The following STIM1 variants were observed in gnomAD, a reference collection of about 807,000 sequenced individuals.
The protein encoded by STIM1 is stromal interaction molecule 1.
STIM1 carries 25 observed loss-of-function variants against 74.7 expected under a neutral mutation model. That is an observed-to-expected ratio of 0.33 (90% CI 0.24 to 0.47). The LOEUF (loss-of-function observed/expected upper bound fraction) is 0.47, where lower values mean the gene tolerates loss of function less well. Ranked by LOEUF, STIM1 falls within the 20% of genes least tolerant of loss-of-function variation. The pLI is 1.00. For missense variants in STIM1, 728 were observed against 920.8 expected (o/e 0.79, Z 2.71); for synonymous variants, 328 against 348.8 (o/e 0.94, Z 0.66).
At chr11:4,065,093 C>T (rs1228435932) in intron 5 of STIM1, among the ~76,000 whole-genome samples, 1 of 152,100 alleles carries the variant, frequency 6.6e-6, no homozygotes, top group Non-Finnish European at 1.5e-5. Context: ...TTAATGTGTG[C>T]CTACAGTGTG....
rs897318109 is a variant in STIM1 at position 4,034,143 on chromosome 11, C to A, written c.385+10156C>A. Among the ~76,000 whole-genome samples the A allele has an allele frequency of 2.6e-5, 4 of 151,906 alleles. No homozygotes were observed. The South Asian group carries it at 8.3e-4, about 32-fold the overall frequency. On this transcript the variant is annotated intron_variant, in intron 3 of 12. Coordinates refer to ENST00000526596, the MANE Select transcript of STIM1 (RefSeq NM_001382567.1). Reference sequence around the variant, plus strand: ...ACTTGGGAGGCTGAGGCAGGAGAATCGCTTGAACCCAGGAGGCGGAGGTTG... The same window carrying A: ...ACTTGGGAGGCTGAGGCAGGAGAATAGCTTGAACCCAGGAGGCGGAGGTTG...
chr11:3,932,519 G>A (rs558435931), intron 1 of STIM1, among the ~76,000 whole-genome samples: 69 of 152,056 alleles, frequency 4.5e-4, no homozygotes, highest in African/African-American at 1.6e-3. Flanking sequence ...AAAATCAGCC[G>A]GGCGTGGTGG....
At chr11:4,020,829 C>G (rs1487467990) in intron 2 of STIM1, among the ~76,000 whole-genome samples, 1 of 151,962 alleles carries the variant, frequency 6.6e-6, no homozygotes, top group Admixed American at 6.6e-5. Flanking sequence ...TCTCAAAATC[C>G]TGATCTCAAG....
chr11:3,870,813 T>G (rs925811405), intron 1 of STIM1, among the ~76,000 whole-genome samples: 1 of 151,476 alleles, frequency 6.6e-6, no homozygotes, highest in Non-Finnish European at 1.5e-5. Flanking sequence ...TCCGATTTTC[T>G]AGTGGGATAT....
At chr11:3,947,901 A>G (rs2093098874) in intron 1 of STIM1, among the ~76,000 whole-genome samples, 1 of 152,232 alleles carries the variant, frequency 6.6e-6, no homozygotes, top group Admixed American at 6.5e-5. Flanking sequence ...AGTTTCAAAG[A>G]GACAACGTAT....
At chr11:4,011,943 G>T (rs985350041) in intron 2 of STIM1, among the ~76,000 whole-genome samples, 4 of 152,126 alleles carry the variant, frequency 2.6e-5, no homozygotes, top group African/African-American at 9.7e-5. Context: ...TTTACATATG[G>T]CTAGCCAGTT....
chr11:4,062,057 T>C (rs2094334669), intron 5 of STIM1, among the ~76,000 whole-genome samples: 1 of 152,222 alleles, frequency 6.6e-6, no homozygotes, highest in Admixed American at 6.5e-5. Flanking sequence ...TGGAACTAGA[T>C]AGAGGTAGTG....
At chr11:4,023,766 G>T in intron 2 of STIM1, 107 bp from the exon 3 acceptor site, 1 of 765,762 alleles carries the variant, frequency 1.3e-6, no homozygotes, top group South Asian at 1.5e-5. Flanking sequence ...TTGTATGTTG[G>T]GTAGATGGAA....
chr11:4,044,061 C>T (rs929109077), intron 3 of STIM1, among the ~76,000 whole-genome samples: 1 of 152,080 alleles, frequency 6.6e-6, no homozygotes, highest in Non-Finnish European at 1.5e-5. Context: ...GTGTGTCTCT[C>T]TTGTGAAGGA....
intron 7 of STIM1, among the ~76,000 whole-genome samples, chr11:4,078,042 TA>T (rs971580472): frequency 1.3e-5 from 2 of 152,232 alleles, no homozygotes; most frequent in Non-Finnish European, 2.9e-5. Flanking sequence ...TTATTAGTCA[TA>T]TTTTTTGCCA....
At chr11:4,045,563 C>T (rs546650404) in intron 3 of STIM1, among the ~76,000 whole-genome samples, 4 of 151,960 alleles carry the variant, frequency 2.6e-5, no homozygotes, top group African/African-American at 7.2e-5. Context: ...GATCCTCCCA[C>T]CTCAGCCTCC....
chr11:3,892,234 T>C (rs2091917084), intron 1 of STIM1, among the ~76,000 whole-genome samples: 1 of 152,152 alleles, frequency 6.6e-6, no homozygotes, highest in African/African-American at 2.4e-5. Context: ...GCAATCCAGC[T>C]AGTCATGGAA....
intron 1 of STIM1, among the ~76,000 whole-genome samples, chr11:3,920,111 T>C (rs2092699021): frequency 8.4e-6 from 1 of 119,380 alleles, no homozygotes; most frequent in Admixed American, 1.0e-4. Flanking sequence ...ATAAAACTTA[T>C]TATTTTGAAG....
At chr11:4,039,970 T>G (rs1242668329) in intron 3 of STIM1, among the ~76,000 whole-genome samples, 1 of 152,094 alleles carries the variant, frequency 6.6e-6, no homozygotes, top group Non-Finnish European at 1.5e-5. Context: ...GGTTTCATCA[T>G]GTTGGCCAGG....
intron 6 of STIM1, among the ~76,000 whole-genome samples, chr11:4,072,935 A>C (rs990819581): frequency 1.5e-4 from 23 of 151,782 alleles, no homozygotes; most frequent in African/African-American, 5.6e-4. Context: ...GGGACAAATT[A>C]GGCAGATCAC....
At position 4,024,035 on chromosome 11, in the gene STIM1, A is replaced by G. The variant is rs74814849; in HGVS notation, c.385+48A>G. 2.3e-4 allele frequency: 352 copies of G among 1,533,986 alleles called. 2 individuals carry two copies. In the African/African-American group the frequency reaches 4.0e-3, roughly 17 times the overall value. Reference sequence around the variant, plus strand: ...ATCCTAGTTGTGGGAAGGTTTAGAGAAGAGAGAAGCAGCAACTTGGCCTTA... The same window carrying G: ...ATCCTAGTTGTGGGAAGGTTTAGAGGAGAGAGAAGCAGCAACTTGGCCTTA... On this transcript the variant is annotated intron_variant, in intron 3 of 12. Transcript: ENST00000526596.
intron 1 of STIM1, chr11:3,892,912 A>T: frequency 7.7e-7 from 1 of 1,294,576 alleles, no homozygotes; most frequent in Non-Finnish European, 1.1e-6. Flanking sequence ...GGCTCCCGGC[A>T]GCAGCAGCAT....
Position 3,857,457 on chromosome 11 carries a change from C to G in STIM1, c.139+1048C>G, listed in dbSNP as rs531519099. 4.6e-5 allele frequency among the ~76,000 whole-genome samples: 7 copies of G among 151,890 alleles called. 1 individual carries two copies. In the South Asian group the frequency reaches 1.5e-3, roughly 32 times the overall value. ...CTATTTTTAATTTTTTGAACAGACACTGTCTCTCTGTGTTGTGCAGGGATC... is the reference window on the plus strand; with the variant it reads ...CTATTTTTAATTTTTTGAACAGACAGTGTCTCTCTGTGTTGTGCAGGGATC... On this transcript the variant is annotated intron_variant, in intron 1 of 12. Transcript: ENST00000526596.
chr11:3,932,698 A>T, intron 1 of STIM1, among the ~76,000 whole-genome samples: 1 of 150,888 alleles, frequency 6.6e-6, no homozygotes, highest in Non-Finnish European at 1.5e-5. Flanking sequence ...AAAAGAAAAG[A>T]GACCCTAGAG....
Sources: allele counts gnomAD v4.1 joint callset (sites outside exome capture counted in the v4.1 genomes callset), GRCh38; gene constraint gnomAD v4.1.1; transcripts MANE v1.5; gene names NCBI Gene and HGNC (gene_info 2026-07-23, HGNC 2026-07-21).